Variants in CD59 observed in about 807,000 individuals in gnomAD.
CD59 encodes CD59 glycoprotein.
In CD59, 3 loss-of-function variants were observed where a neutral mutation model predicts 7.0. That is an observed-to-expected ratio of 0.43 (90% CI 0.19 to 1.10). The LOEUF (loss-of-function observed/expected upper bound fraction) is 1.10, where lower values mean the gene tolerates loss of function less well. CD59 is among the 50% of genes least tolerant of loss of function. The pLI is 0.29. For missense variants in CD59, 143 were observed against 151.0 expected, an observed-to-expected ratio of 0.95 and a Z score of 0.28; for synonymous variants, 60 against 62.0, an observed-to-expected ratio of 0.97 and a Z score of 0.15.
upstream of CD59, chr11:33,736,458 C>A (rs1238571746): frequency 1.3e-5 from 2 of 152,538 alleles, no homozygotes; most frequent in Non-Finnish European, 2.9e-5. This position sits in a 1 kb window ranked among gnomAD's most constrained non-coding sequence, Gnocchi z 4.4. Context: ...CTCCAGCCCG[C>A]AAGGCTCCGC....
rs778770889 is a variant in CD59, at chr11:33,710,085, G to A, written c.*41C>T. The A allele has an allele frequency of 5.6e-6, 8 of 1,425,414 alleles. No homozygotes were observed. The highest frequency in any genetic ancestry group is 1.2e-5 in the South Asian group (1 of 84,876). 88.3% of individuals were successfully genotyped at this position (1,425,414 alleles called of 1,614,324 possible). A position where few individuals can be genotyped will look rare whatever the true frequency, so the allele number is the denominator to read the frequency against. ...GTGGCAGCAAGAGAAAGCGGACTAC[G>A]CAGGAACGGGGAGTTTGGGAGAAGC... is the stretch of plus-strand genomic sequence containing the variant. On this transcript the variant is annotated 3_prime_UTR_variant, in exon 4 of 4. Coordinates refer to ENST00000642928, the MANE Select transcript of CD59 (RefSeq NM_000611.6).
At chr11:33,717,100 A>G (rs891457111) in intron 3 of CD59, among the ~76,000 whole-genome samples, 1 of 152,254 alleles carries the variant, frequency 6.6e-6, no homozygotes, top group Non-Finnish European at 1.5e-5. Flanking sequence ...TCCATGTTCA[A>G]TTCCTGAGTC....
intron 1 of CD59, among the ~76,000 whole-genome samples, chr11:33,724,683 C>G (rs531409717): frequency 1.3e-5 from 2 of 152,192 alleles, no homozygotes; most frequent in African/African-American, 4.8e-5. Flanking sequence ...GAGAAACACC[C>G]TGGGTTGAAT....
chr11:33,712,318 C>T (rs1853594333), intron 3 of CD59, among the ~76,000 whole-genome samples: 1 of 152,188 alleles, frequency 6.6e-6, no homozygotes. Context: ...CGTTCACACA[C>T]AAGTTTCCAC....
At chr11:33,712,362 T>A (rs115107162) in intron 3 of CD59, among the ~76,000 whole-genome samples, 1 of 152,162 alleles carries the variant, frequency 6.6e-6, no homozygotes, top group African/African-American at 2.4e-5. Context: ...TCAAAATTGC[T>A]AAAAAGTGGA....
chr11:33,729,084 C>T (rs1854339536), intron 1 of CD59, among the ~76,000 whole-genome samples: 1 of 152,182 alleles, frequency 6.6e-6, no homozygotes, highest in Non-Finnish European at 1.5e-5. Context: ...TAAATTAGTT[C>T]AACCATTGTG....
At chr11:33,728,992 C>A (rs944482335) in intron 1 of CD59, among the ~76,000 whole-genome samples, 1 of 152,110 alleles carries the variant, frequency 6.6e-6, no homozygotes, top group Non-Finnish European at 1.5e-5. Context: ...GTTAGAATGG[C>A]GATCATTAAA....
intron 1 of CD59, among the ~76,000 whole-genome samples, chr11:33,732,926 G>T (rs1214341947): frequency 6.6e-6 from 1 of 152,100 alleles, no homozygotes; most frequent in Non-Finnish European, 1.5e-5. Context: ...TAATCCCAGG[G>T]GTCATTGAAA....
intron 1 of CD59, chr11:33,722,888 GT>G (rs1590536200): frequency 9.8e-7 from 1 of 1,022,308 alleles, no homozygotes; most frequent in East Asian, 6.6e-5. Context: ...GCATTCAGCA[GT>G]GGAACAGGGA....
At position 33,706,788 on chromosome 11, in the gene CD59, C is replaced by T. The variant is rs1176874845; in HGVS notation, c.*3338G>A. ...TCACCTCATGCTATTGGGTAACTTTCCAGTAAAAAACAATTGCACTTTGTT... is the reference window on the plus strand; with the variant it reads ...TCACCTCATGCTATTGGGTAACTTTTCAGTAAAAAACAATTGCACTTTGTT... On this transcript the variant is annotated 3_prime_UTR_variant, in exon 4 of 4. Transcript: ENST00000642928. The T allele has an allele frequency of 6.6e-6, 1 of 152,160 alleles. No individual in the cohort carries two copies. The highest frequency in any genetic ancestry group is 1.9e-4 in the East Asian group (1 of 5,200). The allele number at this position is 152,160 out of a possible 1,614,324, so 9.4% of individuals were successfully genotyped here. A position where few individuals can be genotyped will look rare whatever the true frequency, so the allele number is the denominator to read the frequency against.
rs1416364863 is a variant in CD59 at position 33,707,385 on chromosome 11, A to T, written c.*2741T>A. 1 of 152,238 alleles carries T rather than the reference A, an allele frequency of 6.6e-6. No homozygotes were observed. The highest frequency in any genetic ancestry group is 2.4e-5 in the African/African-American group (1 of 41,460). 9.4% of individuals were successfully genotyped at this position (152,238 alleles called of 1,614,324 possible). ...CTAACTGCAAGGACACAAGAAAAAT[A>T]TACCCATACCTTGAAGCCCCCAGTA... On this transcript the variant is annotated 3_prime_UTR_variant, in exon 4 of 4. Transcript: ENST00000642928.
intron 1 of CD59, among the ~76,000 whole-genome samples, chr11:33,725,230 A>G (rs551369919): frequency 6.6e-6 from 1 of 151,488 alleles, no homozygotes; most frequent in East Asian, 1.9e-4. Context: ...GTAGTCATAG[A>G]TCATCTATCT....
chr11:33,709,473 T>A lies in CD59; in HGVS notation c.*653A>T, dbSNP rs1297425620. The A allele has an allele frequency of 6.2e-6, 1 of 161,636 alleles. No homozygotes were observed. The highest frequency in any genetic ancestry group is 2.4e-5 in the African/African-American group (1 of 41,480). The allele number at this position is 161,636 out of a possible 1,614,324, so 10.0% of individuals were successfully genotyped here. A position where few individuals can be genotyped will look rare whatever the true frequency, so the allele number is the denominator to read the frequency against. ...CCATTGATGTATGCTATTACACTTT[T>A]CCAGTGGAAGATAACAAAGCCCATA... is the stretch of plus-strand genomic sequence containing the variant. On this transcript the variant is annotated 3_prime_UTR_variant, in exon 4 of 4. Transcript: ENST00000642928.
Position 33,705,333 on chromosome 11 carries a change from G to A in CD59, c.*4793C>T, listed in dbSNP as rs1234214477. The A allele has an allele frequency of 6.6e-6, 1 of 152,252 alleles. No individual in the cohort carries two copies. Among genetic ancestry groups the A allele is most frequent in the African/African-American group, 2.4e-5 (1 of 41,454 alleles). 9.4% of individuals were successfully genotyped at this position (152,252 alleles called of 1,614,324 possible). On this transcript the variant is annotated 3_prime_UTR_variant, in exon 4 of 4. Coordinates refer to ENST00000642928, the MANE Select transcript of CD59 (RefSeq NM_000611.6). ...AGGGCTTTGAGACAGCTCATGTAAT[G>A]GAAAGCTCTTAAGAACTAGGTTTAG... is the stretch of plus-strand genomic sequence containing the variant.
chr11:33,728,423 G>T (rs562063657), intron 1 of CD59, among the ~76,000 whole-genome samples: 3 of 152,288 alleles, frequency 2.0e-5, no homozygotes, highest in South Asian at 4.1e-4. Context: ...TACAGGGAAA[G>T]GATTCCCTAT....
Position 33,717,369 on chromosome 11 carries a change from C to A in CD59, c.169+1G>T. On this transcript the variant is annotated splice_donor_variant, in intron 3 of 3. Transcript: ENST00000642928. LOFTEE classifies it high-confidence loss of function. ...AGGAGACAGACAGGGGAGGCTCTTA[C>A]CAGCTTTGGTAATGAGACACGCATC... 6.2e-7 allele frequency: 1 copy of A among 1,603,564 alleles called. No homozygotes were observed. The highest frequency in any genetic ancestry group is 8.5e-7 in the Non-Finnish European group (1 of 1,170,624).
chr11:33,716,848 A>C (rs889043227), intron 3 of CD59, among the ~76,000 whole-genome samples: 1 of 152,182 alleles, frequency 6.6e-6, no homozygotes, highest in African/African-American at 2.4e-5. Context: ...CTTTGAGCTC[A>C]GCTTGAGTCT....
rs1854571858 is a variant in CD59, at chr11:33,736,243, TC to T, written c.-19+138del. The T allele has an allele frequency of 6.6e-6, 1 of 152,308 alleles. No individual in the cohort carries two copies. Among genetic ancestry groups the T allele is most frequent in the Non-Finnish European group, 1.5e-5 (1 of 68,168 alleles). The allele number at this position is 152,308 out of a possible 1,614,324, so 9.4% of individuals were successfully genotyped here. On this transcript the variant is annotated intron_variant, in intron 1 of 3. Coordinates refer to ENST00000642928, the MANE Select transcript of CD59 (RefSeq NM_000611.6). The surrounding 1 kb of genome is among the most constrained non-coding windows in gnomAD (Gnocchi z 4.4). ...GGTGACGGGTTGGAAGGGCCAGGCCTCGGGAGGCTCGCCCGGCAGGGGTCGA... is the reference window on the plus strand; with the variant it reads ...GGTGACGGGTTGGAAGGGCCAGGCCTGGGAGGCTCGCCCGGCAGGGGTCGA...
At chr11:33,728,629 A>C (rs1252996324) in intron 1 of CD59, among the ~76,000 whole-genome samples, 2 of 152,336 alleles carry the variant, frequency 1.3e-5, no homozygotes, top group South Asian at 2.1e-4. Context: ...TTCATGACTA[A>C]AACACCAAAA....
Sources: gnomAD v4.1 joint callset for allele counts (sites outside exome capture counted in the v4.1 genomes callset) on GRCh38, gnomAD v4.1.1 for gene constraint, Gnocchi (gnomAD v3.1) non-coding constraint, MANE v1.5 for transcripts, NCBI Gene and HGNC (gene_info 2026-07-23, HGNC 2026-07-21) for gene names.